The following RXFP1 variants were observed in gnomAD, a reference collection of about 807,000 sequenced individuals.
RXFP1 encodes the protein relaxin family peptide receptor 1.
A neutral mutation model predicts 89.8 loss-of-function variants in RXFP1; 73 were observed. The ratio of observed to expected loss-of-function variants is 0.81; its 90% CI spans 0.67 to 0.99. The LOEUF is 0.99. Among genes scored for constraint, RXFP1 ranks in the 50% least tolerant of loss-of-function variants. RXFP1 has a pLI of 0.00. For synonymous variants in RXFP1, 277 were observed against 305.5 expected (o/e 0.91, Z 0.97); for missense variants, 793 against 895.5 (o/e 0.89, Z 1.46).
intron 1 of RXFP1, among the ~76,000 whole-genome samples, chr4:158,537,489 A>G (rs1745554832): frequency 6.6e-6 from 1 of 152,194 alleles, no homozygotes; most frequent in African/African-American, 2.4e-5. Flanking sequence ...CTTGGGGGAT[A>G]GTTACAGAAA....
chr4:158,578,079 G>A (rs1446001856), intron 2 of RXFP1, among the ~76,000 whole-genome samples: 1 of 151,966 alleles, frequency 6.6e-6, no homozygotes, highest in East Asian at 1.9e-4. Context: ...TACACAATAT[G>A]GAATTTACAT....
Position 158,646,683 on chromosome 4 carries a change from T to C in RXFP1, c.1346-108T>C. The C allele has an allele frequency of 5.4e-6, 8 of 1,474,354 alleles. No individual in the cohort carries two copies. The South Asian group carries it at 1.2e-4, about 23-fold the overall frequency. The allele number at this position is 1,474,354 out of a possible 1,614,324, so 91.3% of individuals were successfully genotyped here. Reference sequence around the variant, plus strand: ...AGAATAAAAATTACCTCTTCCTAAGTTGGAAGAAACTTGACTATTTTTTCT... The same window carrying C: ...AGAATAAAAATTACCTCTTCCTAAGCTGGAAGAAACTTGACTATTTTTTCT... On this transcript the variant is annotated intron_variant, in intron 15 of 17. Coordinates refer to ENST00000307765, the MANE Select transcript of RXFP1 (RefSeq NM_021634.4).
At chr4:158,561,631 T>TC (rs1254059960) in intron 1 of RXFP1, among the ~76,000 whole-genome samples, 26 of 143,014 alleles carry the variant, frequency 1.8e-4, no homozygotes, top group African/African-American at 6.3e-4. Flanking sequence ...TTTTTCTTTT[T>TC]TTTTTTTTTT....
chr4:158,629,693 C>T (rs1767648870), intron 11 of RXFP1, among the ~76,000 whole-genome samples: 1 of 152,058 alleles, frequency 6.6e-6, no homozygotes. Context: ...ATGGTACAAT[C>T]ATAGCTCACC....
At chr4:158,627,489 T>C (rs1317712407) in intron 10 of RXFP1, among the ~76,000 whole-genome samples, 1 of 147,996 alleles carries the variant, frequency 6.8e-6, no homozygotes, top group Non-Finnish European at 1.5e-5. Flanking sequence ...AAATGTATTG[T>C]TTCATGAGCC....
intron 1 of RXFP1, among the ~76,000 whole-genome samples, chr4:158,543,518 C>T (rs182160500): frequency 6.6e-6 from 1 of 152,144 alleles, no homozygotes; most frequent in Non-Finnish European, 1.5e-5. Flanking sequence ...GCAGTCACCT[C>T]ATCTAATGGT....
intron 2 of RXFP1, among the ~76,000 whole-genome samples, chr4:158,590,775 C>T (rs913648583): frequency 2.0e-5 from 3 of 152,138 alleles, no homozygotes; most frequent in African/African-American, 7.2e-5. Flanking sequence ...TCTGTAACCC[C>T]TTCTGGAAGG....
At chr4:158,633,815 T>G (rs936042711) in intron 12 of RXFP1, among the ~76,000 whole-genome samples, 3 of 152,214 alleles carry the variant, frequency 2.0e-5, no homozygotes, top group African/African-American at 7.2e-5. Flanking sequence ...CCTATTCTAC[T>G]TAGCATACTG....
rs1037987145 is a variant in RXFP1, at chr4:158,599,410, T to C, written c.371T>C (p.Val124Ala). The change falls in exon 4 of 18, where the codon GTT (valine) becomes GCT (alanine). Residue 124 changes from valine to alanine, a missense_variant. Transcript: ENST00000307765. ...ACCAATTTACGAGCTGTTCCATCGGTTTCTTCAAATGTGACTGCAATGTAA... is the reference window on the plus strand; with the variant it reads ...ACCAATTTACGAGCTGTTCCATCGGCTTCTTCAAATGTGACTGCAATGTAA... Reference protein sequence around the residue: ...DETNLRAVPSVSSNVTAMSLQ... With the variant: ...DETNLRAVPSASSNVTAMSLQ... The C allele has an allele frequency of 1.2e-6, 2 of 1,613,444 alleles. No homozygotes were observed. The highest frequency in any genetic ancestry group is 1.7e-6 in the Non-Finnish European group (2 of 1,179,588).
chr4:158,613,854 G>C (rs1252625970), intron 8 of RXFP1, among the ~76,000 whole-genome samples: 1 of 152,152 alleles, frequency 6.6e-6, no homozygotes, highest in Admixed American at 6.5e-5. Flanking sequence ...AATCGTCAGA[G>C]GAATCACTAT....
intron 2 of RXFP1, among the ~76,000 whole-genome samples, chr4:158,575,021 G>C (rs758495020): frequency 8.5e-5 from 13 of 152,194 alleles, no homozygotes; most frequent in Non-Finnish European, 1.2e-4. Context: ...GTTCTAGACA[G>C]AGCAACAGGA....
chr4:158,538,598 G>A (rs1388006955), intron 1 of RXFP1, among the ~76,000 whole-genome samples: 1 of 152,186 alleles, frequency 6.6e-6, no homozygotes, highest in Non-Finnish European at 1.5e-5. Flanking sequence ...CAGATCACCT[G>A]AGGTCAAGAG....
intron 12 of RXFP1, among the ~76,000 whole-genome samples, chr4:158,636,535 G>T (rs1450838822): frequency 6.6e-6 from 1 of 152,012 alleles, no homozygotes; most frequent in Admixed American, 6.6e-5. Context: ...TCTACCACAA[G>T]CTGGGCACTG....
At chr4:158,530,932 C>T (rs950815628) in intron 1 of RXFP1, among the ~76,000 whole-genome samples, 3 of 152,178 alleles carry the variant, frequency 2.0e-5, no homozygotes, top group African/African-American at 4.8e-5. Context: ...CTTTTTGTAG[C>T]GCATCTGGCT....
intron 11 of RXFP1, 62 bp from the exon 12 acceptor site, chr4:158,633,341 AAT>A (rs1423169772): frequency 9.4e-7 from 1 of 1,069,114 alleles, no homozygotes; most frequent in Non-Finnish European, 1.4e-6. Context: ...TTTCCTAATG[AAT>A]TTCAGAACAA....
intron 1 of RXFP1, among the ~76,000 whole-genome samples, chr4:158,535,821 C>T (rs1382249714): frequency 1.3e-5 from 2 of 152,194 alleles, no homozygotes; most frequent in South Asian, 2.1e-4. Context: ...ATCTCTATTT[C>T]TCATTCTTAA....
At chr4:158,558,716 G>A (rs1751839621) in intron 1 of RXFP1, among the ~76,000 whole-genome samples, 1 of 152,126 alleles carries the variant, frequency 6.6e-6, no homozygotes, top group Admixed American at 6.6e-5. Context: ...GAGAAATCCT[G>A]AATTGATATA....
intron 1 of RXFP1, among the ~76,000 whole-genome samples, chr4:158,524,137 AC>A (rs1741871727): frequency 6.6e-6 from 1 of 152,156 alleles, no homozygotes; most frequent in Non-Finnish European, 1.5e-5. Flanking sequence ...CTGAATCTTC[AC>A]AACAACTCTA....
chr4:158,592,888 G>A (rs1033088045), intron 2 of RXFP1, among the ~76,000 whole-genome samples: 4 of 151,500 alleles, frequency 2.6e-5, no homozygotes. Context: ...AGGAGTTAGA[G>A]ACCAGCCTGG....
Sources: gnomAD v4.1 joint callset for allele counts (sites outside exome capture counted in the v4.1 genomes callset) on GRCh38, gnomAD v4.1.1 for gene constraint, MANE v1.5 for transcripts, NCBI Gene and HGNC (gene_info 2026-07-23, HGNC 2026-07-21) for gene names.